EML6: variants seen among roughly 807,000 people sequenced by gnomAD.
The protein encoded by EML6 is echinoderm microtubule-associated protein-like 6.
Under a neutral mutation model 240.1 loss-of-function variants are expected in EML6, and 154 were observed. That is an observed-to-expected ratio of 0.64 (90% confidence interval 0.56 to 0.73). The LOEUF (loss-of-function observed/expected upper bound fraction) is 0.73. EML6 is among the 30% of genes least tolerant of loss of function. The pLI is 0.00. For missense variants in EML6, 2,964 were observed against 2,474.6 expected, an observed-to-expected ratio of 1.20 and a Z score of -4.20; for synonymous variants, 1,148 against 899.0, an observed-to-expected ratio of 1.28 and a Z score of -4.95.
At chr2:54,892,793 C>A in intron 19 of EML6, 137 bp downstream of exon 19, 2 of 644,412 alleles carry the variant, frequency 3.1e-6, no homozygotes, top group Non-Finnish European at 5.2e-6. Context: ...AAAGCTCAGT[C>A]AAGAGACAAT....
intron 35 of EML6, among the ~76,000 whole-genome samples, chr2:54,962,109 G>T (rs1188810796): frequency 1.4e-5 from 2 of 145,468 alleles, no homozygotes; most frequent in South Asian, 2.2e-4. Context: ...TAAAGACAGG[G>T]TCTCACTGTG....
rs147979364 is a variant in EML6 at position 54,832,468 on chromosome 2, C to T, written c.847+2991C>T. ...GGGCCATCCTGTGATGGGGCAGCCT[C>T]TCCAAGGCAAGTGGAGGTGTGCCCC... On this transcript the variant is annotated intron_variant, in intron 7 of 41. Coordinates refer to ENST00000356458, the MANE Select transcript of EML6 (RefSeq NM_001039753.4). 4.2e-3 allele frequency among the ~76,000 whole-genome samples: 635 copies of T among 152,254 alleles called. 4 individuals carry two copies. Among genetic ancestry groups the T allele is most frequent in the Non-Finnish European group, 6.8e-3 (465 of 68,016 alleles).
chr2:54,884,452 C>T (rs1672012535), intron 17 of EML6, among the ~76,000 whole-genome samples: 1 of 152,196 alleles, frequency 6.6e-6, no homozygotes, highest in Admixed American at 6.5e-5. Context: ...TTTGATCCCT[C>T]TCCCTTCCCT....
At chr2:54,808,224 C>G (rs1044327128) in intron 2 of EML6, among the ~76,000 whole-genome samples, 1 of 152,188 alleles carries the variant, frequency 6.6e-6, no homozygotes, top group Admixed American at 6.5e-5. Flanking sequence ...AAGTGCTAAG[C>G]GCATCTCTTG....
intron 24 of EML6, among the ~76,000 whole-genome samples, chr2:54,904,418 C>G (rs182200327): frequency 6.6e-6 from 1 of 152,276 alleles, no homozygotes; most frequent in Admixed American, 6.5e-5. Flanking sequence ...GGTAGAGAAG[C>G]ACCAAGCCCA....
chr2:54,949,108 A>C (rs1350497965), intron 29 of EML6, 148 bp downstream of exon 29: 3 of 656,100 alleles, frequency 4.6e-6, no homozygotes, highest in African/African-American at 3.6e-5. Flanking sequence ...CCTACGTAGC[A>C]CTGTGTCTTC....
intron 2 of EML6, among the ~76,000 whole-genome samples, chr2:54,803,755 A>G (rs574508561): frequency 2.0e-5 from 3 of 152,334 alleles, no homozygotes; most frequent in Non-Finnish European, 4.4e-5. Flanking sequence ...GACGAGCCAC[A>G]TGGAGAAAAT....
At chr2:54,905,023 C>T (rs1673246382) in intron 24 of EML6, among the ~76,000 whole-genome samples, 4 of 152,094 alleles carry the variant, frequency 2.6e-5, no homozygotes, top group Admixed American at 2.6e-4. Flanking sequence ...TGATGCATTG[C>T]ATTTATAAAA....
In EML6 at chr2:54,853,353, T is replaced by C. The variant is rs116664884; in HGVS notation, c.1445-290T>C. On this transcript the variant is annotated intron_variant, in intron 10 of 41. Transcript: ENST00000356458. ...GTTTTTTGATACATTCATGTGTTTA[T>C]TGGGTACATGTGAAATTCTGTGACA... Among the ~76,000 whole-genome samples the C allele has an allele frequency of 7.5e-3, 1,144 of 152,266 alleles. 6 individuals are homozygous for C. Among genetic ancestry groups the C allele is most frequent in the Middle Eastern group, 0.017 (5 of 294 alleles).
At chr2:54,880,434 T>G (rs1671754679) in intron 17 of EML6, 1 of 152,192 alleles carries the variant, frequency 6.6e-6, no homozygotes, top group South Asian at 2.1e-4. Context: ...ACCCCAATAT[T>G]CACTTTTTAA....
Position 54,863,809 on chromosome 2 carries a change from G to T in EML6, c.1852G>T (p.Glu618Ter). Residue 618 changes from glutamate to a stop codon, truncating the protein, a stop_gained, in exon 13 of 42, where the codon GAA (glutamate) becomes TAA (stop). Coordinates refer to ENST00000356458, the MANE Select transcript of EML6 (RefSeq NM_001039753.4). LOFTEE classifies it high-confidence loss of function. ...QEGGADSYSE[E>*]SDSDLSDVPE... ...AGGTGGAGCTGATTCCTACAGTGAA[G>T]AATCTGATTCAGATTTATCTGATGT... The T allele has an allele frequency of 6.5e-7, 1 of 1,548,378 alleles. No individual in the cohort carries two copies. The highest frequency in any genetic ancestry group is 8.7e-7 in the Non-Finnish European group (1 of 1,144,776).
At chr2:54,829,635 T>C (rs575995308) in intron 7 of EML6, among the ~76,000 whole-genome samples, 158 bp downstream of exon 7, 4 of 152,240 alleles carry the variant, frequency 2.6e-5, no homozygotes, top group Non-Finnish European at 4.4e-5. Context: ...GGATGTCCTT[T>C]TTCCTAATTC....
rs78632331 is a variant in EML6 at position 54,757,629 on chromosome 2, G to A, written c.197+32371G>A. Among the ~76,000 whole-genome samples, 698 of 152,180 alleles carry A rather than the reference G, an allele frequency of 4.6e-3. 7 individuals carry two copies. The highest frequency in any genetic ancestry group is 0.016 in the African/African-American group (674 of 41,506). On this transcript the variant is annotated intron_variant, in intron 2 of 41. Coordinates refer to ENST00000356458, the MANE Select transcript of EML6 (RefSeq NM_001039753.4). Reference sequence around the variant, plus strand: ...AGAGTAAATCTCCAGAGTTCTGCTGGGTGAGAGGAGGATTCTGGTGGACTC... The same window carrying A: ...AGAGTAAATCTCCAGAGTTCTGCTGAGTGAGAGGAGGATTCTGGTGGACTC...
intron 26 of EML6, among the ~76,000 whole-genome samples, chr2:54,921,818 C>T (rs190913395): frequency 5.5e-4 from 83 of 152,040 alleles, no homozygotes; most frequent in Middle Eastern, 3.4e-3. Flanking sequence ...CAAAAATATA[C>T]GGTAAGGAGA....
intron 8 of EML6, 149 bp downstream of exon 8, chr2:54,844,397 T>C (rs1434343668): frequency 3.1e-6 from 2 of 645,338 alleles, no homozygotes; most frequent in African/African-American, 3.7e-5. Context: ...AGTGGGTTTT[T>C]GGCATTTTGC....
chr2:54,921,383 C>G (rs150629583), intron 26 of EML6, among the ~76,000 whole-genome samples: 2 of 152,032 alleles, frequency 1.3e-5, no homozygotes, highest in African/African-American at 4.8e-5. Context: ...GGCGAAAGAA[C>G]TGTATACTGA....
chr2:54,907,938 AGATAGATAAGATAGATAGAT>A (rs1201801766), intron 24 of EML6, among the ~76,000 whole-genome samples: 3,020 of 57,990 alleles, frequency 0.052, 43 homozygotes, highest in East Asian at 0.085. Context: ...ATAGATAGAT[AGATAGATAAGATAGATAGAT>A]AGATAGATAG....
At chr2:54,862,316 T>G (rs1670716768) in intron 12 of EML6, among the ~76,000 whole-genome samples, 1 of 115,388 alleles carries the variant, frequency 8.7e-6, no homozygotes, top group African/African-American at 3.6e-5. Flanking sequence ...CCAGCCTGGG[T>G]GACATAACAT....
chr2:54,766,188 A>G (rs559081654), intron 2 of EML6, among the ~76,000 whole-genome samples: 1 of 152,352 alleles, frequency 6.6e-6, no homozygotes, highest in Non-Finnish European at 1.5e-5. Context: ...TAACCACAGT[A>G]TAGCTTTCAA....
Sources: gnomAD v4.1 joint callset for allele counts (sites outside exome capture counted in the v4.1 genomes callset) on GRCh38, gnomAD v4.1.1 for gene constraint, MANE v1.5 for transcripts, NCBI Gene and HGNC (gene_info 2026-07-23, HGNC 2026-07-21) for gene names.